WDR90: variants seen among roughly 807,000 people sequenced by gnomAD.
WDR90 encodes WD repeat-containing protein 90.
A neutral mutation model predicts 195.2 loss-of-function variants in WDR90; 238 were observed. The ratio of observed to expected loss-of-function variants is 1.22; its 90% CI spans 1.10 to 1.36. The LOEUF is 1.36. WDR90 is among the 40% of genes most tolerant of loss of function. The pLI is 0.00. For missense variants in WDR90, 2,734 were observed against 2,439.5 expected (o/e 1.12, Z -2.54); for synonymous variants, 1,265 against 1,052.4 (o/e 1.20, Z -3.91).
Position 656,324 on chromosome 16 carries a change from A to C in WDR90, c.1989A>C (p.Ser663=). Residue 663 remains serine, a synonymous_variant, in exon 18 of 41, where the codon TCA becomes TCC. Transcript: ENST00000293879. ...LEAEHEGPVS[S]VCVSPDGLRV... Reference sequence around the variant, plus strand: ...CAGAGCACGAGGGCCCCGTCAGCTCAGTCTGTGTCAGCCCCGATGGCCTCC... The same window carrying C: ...CAGAGCACGAGGGCCCCGTCAGCTCCGTCTGTGTCAGCCCCGATGGCCTCC... 6 of 1,609,126 alleles carry C rather than the reference A, an allele frequency of 3.7e-6. No homozygotes were observed. The highest frequency in any genetic ancestry group is 5.1e-6 in the Non-Finnish European group (6 of 1,179,486).
chr16:663,183 A>T, intron 34 of WDR90: 1 of 393,674 alleles, frequency 2.5e-6, no homozygotes, highest in South Asian at 2.0e-5. Context: ...CATGCCTGTG[A>T]TCCCAGCACT....
chr16:661,062 T>G lies in WDR90; in HGVS notation c.3403T>G (p.Tyr1135Asp). The change falls in exon 29 of 41, where the codon TAC becomes GAC. Residue 1135 changes from tyrosine to aspartate, a missense_variant. Tyr to Asp is a radical substitution (Grantham distance 160). Transcript: ENST00000293879. ...CTCTCTGCGCACAGGCTTCTTTGCC[T>G]ACACGTGCGGCCGCCTGGTGGTGGT... ...VWRPDTGFFAYTCGRLVVVED... is the reference protein window; with the variant it reads ...VWRPDTGFFADTCGRLVVVED... 7.9e-7 allele frequency: 1 copy of G among 1,260,660 alleles called. No individual in the cohort carries two copies. The highest frequency in any genetic ancestry group is 1.0e-6 in the Non-Finnish European group (1 of 1,002,038). 78.1% of individuals were successfully genotyped at this position (1,260,660 alleles called of 1,614,324 possible).
At chr16:659,065 C>T (rs752393736) in intron 24 of WDR90, 21 bp from the exon 25 acceptor site, 61 of 1,613,090 alleles carry the variant, frequency 3.8e-5, no homozygotes, top group Middle Eastern at 1.6e-4. Flanking sequence ...CCTCCTGAAA[C>T]CCTCTCTCCT....
At chr16:654,142 A>G (rs567496663) in intron 13 of WDR90, 6 of 379,538 alleles carry the variant, frequency 1.6e-5, no homozygotes, top group Admixed American at 4.4e-5. Context: ...TTGGGCATCA[A>G]TGGCACCTCC....
rs2038019351 is a variant in WDR90 at position 666,039 on chromosome 16, C to A, written c.4524C>A (p.Arg1508=). 1 of 1,605,570 alleles carries A rather than the reference C, an allele frequency of 6.2e-7. No individual in the cohort carries two copies. Among genetic ancestry groups the A allele is most frequent in the South Asian group, 1.1e-5 (1 of 91,080 alleles). The part of the protein sequence containing the change: ...LAAGYGDGSL[R]IFSVSRTAME... ...CTGGCTACGGTGACGGCTCCCTGCG[C>A]ATCTTCAGCGTCTCCCGCACGGCCA... The change falls in exon 36 of 41, where the codon CGC becomes CGA. Residue 1508 remains arginine (R), a synonymous_variant. Coordinates refer to ENST00000293879, the MANE Select transcript of WDR90 (RefSeq NM_145294.5).
intron 13 of WDR90, 133 bp downstream of exon 13, chr16:653,936 G>A: frequency 2.6e-6 from 3 of 1,157,642 alleles, no homozygotes; most frequent in Non-Finnish European, 3.7e-6. Flanking sequence ...CTGTGGTGGG[G>A]CTCCCTGCAC....
rs770384687 is a variant in WDR90, at chr16:650,633, C to T, written c.483C>T (p.Gly161=). Residue 161 remains glycine (G), a synonymous_variant, in exon 5 of 41, where the codon GGC becomes GGT. Coordinates refer to ENST00000293879, the MANE Select transcript of WDR90 (RefSeq NM_145294.5). The part of the protein sequence containing the change: ...VLLVYLNRCY[G]HLKSIRLCAS... ...TGGTCTACCTGAACCGGTGCTACGGCCATCTCAAGAGCATCAGGCTGTGCG... is the reference window on the plus strand; with the variant it reads ...TGGTCTACCTGAACCGGTGCTACGGTCATCTCAAGAGCATCAGGCTGTGCG... 2.2e-5 allele frequency: 35 copies of T among 1,612,680 alleles called. No individual in the cohort carries two copies. The Admixed American group carries it at 5.7e-4, about 26-fold the overall frequency.
In WDR90 at chr16:658,042, G is replaced by A. The variant is rs146950321; in HGVS notation, c.2605-141G>A. The A allele has an allele frequency of 9.0e-4, 1,299 of 1,448,378 alleles. 20 individuals are homozygous for A. The South Asian group carries it at 0.012, about 14-fold the overall frequency. The allele number at this position is 1,448,378 out of a possible 1,614,324, so 89.7% of individuals were successfully genotyped here. A position where few individuals can be genotyped will look rare whatever the true frequency, so the allele number is the denominator to read the frequency against. ...TACACATCAGCCATGTGGGGCCCAC[G>A]TGCGGCCAGGTTCCTGTGCAGGGCA... On this transcript the variant is annotated intron_variant, in intron 21 of 40. Coordinates refer to ENST00000293879, the MANE Select transcript of WDR90 (RefSeq NM_145294.5).
At chr16:651,340 G>C in intron 7 of WDR90, 74 bp downstream of exon 7, 1 of 1,526,848 alleles carries the variant, frequency 6.5e-7, no homozygotes, top group South Asian at 1.1e-5. Context: ...AGAGGGCAGG[G>C]CTGGGAAAGG....
chr16:658,143 C>T (rs911327463), intron 21 of WDR90, 40 bp from the exon 22 acceptor site: 1 of 1,586,240 alleles, frequency 6.3e-7, no homozygotes, highest in Admixed American at 1.7e-5. Context: ...CCGGCTCTGC[C>T]CAGGGGCCCT....
rs766884026 is a variant in WDR90 at position 665,772 on chromosome 16, C to T, written c.4405C>T (p.Leu1469Phe). 1.3e-6 allele frequency: 2 copies of T among 1,598,138 alleles called. No homozygotes were observed. Among genetic ancestry groups the T allele is most frequent in the East Asian group, 2.3e-5 (1 of 44,408 alleles). ...VRVWALASME[L>F]VIQFQVLNQS... ...GGTGTGGGCCTTGGCCAGCATGGAG[C>T]TTGTGATCCAGTTCCAGGTGCTGAA... Residue 1469 changes from leucine (L) to phenylalanine (F), a missense_variant, in exon 35 of 41, where the codon CTT becomes TTT. Leu to Phe is a conservative substitution (Grantham distance 22). Coordinates refer to ENST00000293879, the MANE Select transcript of WDR90 (RefSeq NM_145294.5).
Position 655,402 on chromosome 16 carries a change from T to C in WDR90, c.1652T>C (p.Leu551Pro), listed in dbSNP as rs1300650297. The change falls in exon 15 of 41, where the codon CTG (leucine) becomes CCG (proline). Residue 551 changes from leucine to proline, a missense_variant. Coordinates refer to ENST00000293879, the MANE Select transcript of WDR90 (RefSeq NM_145294.5). The part of the protein sequence containing the change: ...CPVDLGEHHA[L>P]QFTDLAFKQA... The stretch of plus-strand genomic sequence containing the variant: ...GTGGACTTAGGGGAGCACCACGCGC[T>C]GCAGTTCACCGACCTGGCCTTCAAG... The C allele has an allele frequency of 6.3e-7, 1 of 1,594,048 alleles. No homozygotes were observed. The highest frequency in any genetic ancestry group is 1.3e-5 in the African/African-American group (1 of 74,706).
At position 652,487 on chromosome 16, in the gene WDR90, C is replaced by G. The variant is rs1234540964; in HGVS notation, c.1074C>G (p.Val358=). The G allele has an allele frequency of 1.2e-6, 2 of 1,610,248 alleles. No homozygotes were observed. The highest frequency in any genetic ancestry group is 1.7e-5 in the Admixed American group (1 of 59,654). Residue 358 remains valine, a synonymous_variant, in exon 10 of 41, where the codon GTC becomes GTG. Coordinates refer to ENST00000293879, the MANE Select transcript of WDR90 (RefSeq NM_145294.5). ...GSCEGFLPDP[V]LRLKGVIGFG... Reference sequence around the variant, plus strand: ...TTCAGGGCTTCCTCCCAGACCCAGTCCTGAGGCTCAAGGGCGTCATCGGCT... The same window carrying G: ...TTCAGGGCTTCCTCCCAGACCCAGTGCTGAGGCTCAAGGGCGTCATCGGCT...
chr16:658,185 G>T lies in WDR90; in HGVS notation c.2607G>T (p.Leu869=), dbSNP rs777375645. 9.3e-6 allele frequency: 15 copies of T among 1,607,740 alleles called. No individual in the cohort carries two copies. Among genetic ancestry groups the T allele is most frequent in the Non-Finnish European group, 1.3e-5 (15 of 1,176,742 alleles). The change falls in exon 22 of 41, where the codon CTG becomes CTT. Residue 869 remains leucine, a splice_region_variant and synonymous_variant. Transcript: ENST00000293879. The part of the protein sequence containing the change: ...TVMGSASLDE[L]LRVDIGTLDL... ...CGGCCACTTACCACTACCCCCAGCT[G>T]CTGCGAGTTGACATCGGCACTCTGG...
At position 655,765 on chromosome 16, in the gene WDR90, G is replaced by C. The variant is rs1364062433; in HGVS notation, c.1850-8G>C. On this transcript the variant is annotated splice_polypyrimidine_tract_variant and splice_region_variant and intron_variant, in intron 16 of 40. Transcript: ENST00000293879. The stretch of plus-strand genomic sequence containing the variant: ...GACACCGAGGCACTGACGCCTCCCT[G>C]CCCCCAGGCCCCGGCATTGCCATCA... The C allele has an allele frequency of 1.9e-6, 3 of 1,582,680 alleles. No homozygotes were observed. The highest frequency in any genetic ancestry group is 2.6e-6 in the Non-Finnish European group (3 of 1,164,268).
rs2037647966 is a variant in WDR90 at position 651,636 on chromosome 16, T to C, written c.737-8T>C. On this transcript the variant is annotated splice_polypyrimidine_tract_variant and splice_region_variant and intron_variant, in intron 7 of 40. Coordinates refer to ENST00000293879, the MANE Select transcript of WDR90 (RefSeq NM_145294.5). ...CCTGGGTCACTGGGGTTCTTTGCTC[T>C]GTTCTAGTCCTCCTGGGGCCGGGGC... 1.2e-6 allele frequency: 2 copies of C among 1,611,662 alleles called. No individual in the cohort carries two copies. Among genetic ancestry groups the C allele is most frequent in the Admixed American group, 1.7e-5 (1 of 59,930 alleles).
intron 13 of WDR90, 93 bp from the exon 14 acceptor site, chr16:654,917 TGGTCTCCGCATGAGAGAAA>T (rs1157989208): frequency 1.0e-6 from 1 of 955,358 alleles, no homozygotes; most frequent in East Asian, 2.4e-5. Context: ...GCTCAGAGGC[TGGTCTCCGCATGAGAGAAA>T]AGCCACCTCC....
chr16:650,024 C>T lies in WDR90; in HGVS notation c.136C>T (p.Arg46Trp), dbSNP rs755737372. The T allele has an allele frequency of 1.9e-6, 3 of 1,612,848 alleles. No individual in the cohort carries two copies. The highest frequency in any genetic ancestry group is 1.1e-5 in the South Asian group (1 of 91,090). Reference protein sequence around the residue: ...KTLKGAVYRIRGSVSAANYIQ... With the variant: ...KTLKGAVYRIWGSVSAANYIQ... Reference sequence around the variant, plus strand: ...CCTGAAGGGCGCCGTGTATCGCATTCGGGGCTCAGTCTCTGCCGCCAACTA... The same window carrying T: ...CCTGAAGGGCGCCGTGTATCGCATTTGGGGCTCAGTCTCTGCCGCCAACTA... Residue 46 changes from arginine to tryptophan, a missense_variant, in exon 3 of 41, where the codon CGG (arginine) becomes TGG (tryptophan). Transcript: ENST00000293879.
rs1226020769 is a variant in WDR90, at chr16:651,191, C to T, written c.669-8C>T. 4.3e-6 allele frequency: 7 copies of T among 1,613,138 alleles called. No homozygotes were observed. In the East Asian group the frequency reaches 1.3e-4, roughly 31 times the overall value. ...CCCCAGACACTGACTCTCCCTCTGC[C>T]TGCCAAGGTTTCCAAGTGAGAGCTT... On this transcript the variant is annotated splice_region_variant and splice_polypyrimidine_tract_variant and intron_variant, in intron 6 of 40. Coordinates refer to ENST00000293879, the MANE Select transcript of WDR90 (RefSeq NM_145294.5).
Sources: allele counts gnomAD v4.1 joint callset, GRCh38; gene constraint gnomAD v4.1.1; transcripts MANE v1.5; gene names NCBI Gene and HGNC (gene_info 2026-07-23, HGNC 2026-07-21).